Variants in PGM1 observed in about 807,000 individuals in gnomAD.
The protein encoded by PGM1 is phosphoglucomutase 1, also known as phosphoglucomutase-1.
A neutral mutation model predicts 55.6 loss-of-function variants in PGM1; 52 were observed. That is an observed-to-expected ratio of 0.94 (90% CI 0.75 to 1.18). The LOEUF is 1.18. Among genes scored for constraint, PGM1 ranks in the 50% most tolerant of loss-of-function variants. The probability of loss-of-function intolerance (pLI) is 0.00; values close to 1 mark genes in which losing one functional copy is unlikely to be tolerated. For missense variants in PGM1, 724 were observed against 729.3 expected (o/e 0.99, Z 0.08); for synonymous variants, 287 against 271.7 (o/e 1.06, Z -0.55).
chr1:63,634,031 C>T (rs1649294761), intron 4 of PGM1, among the ~76,000 whole-genome samples: 1 of 147,198 alleles, frequency 6.8e-6, no homozygotes, highest in Non-Finnish European at 1.5e-5. Context: ...ATCTGTCTGC[C>T]TCAGCCTCCC....
chr1:63,604,951 G>A (rs1648373682), intron 1 of PGM1, among the ~76,000 whole-genome samples: 1 of 140,988 alleles, frequency 7.1e-6, no homozygotes, highest in African/African-American at 3.0e-5. Flanking sequence ...GTGTGTGTGT[G>A]TGTGTGTGTA....
At chr1:63,610,424 T>A (rs541665330) in intron 1 of PGM1, among the ~76,000 whole-genome samples, 11 of 152,354 alleles carry the variant, frequency 7.2e-5, no homozygotes, top group African/African-American at 2.6e-4. Flanking sequence ...CTTAGTGGAA[T>A]ATCAAAATTA....
chr1:63,650,996 G>A (rs1041241578), intron 8 of PGM1, among the ~76,000 whole-genome samples: 6 of 151,962 alleles, frequency 3.9e-5, no homozygotes, highest in Admixed American at 1.3e-4. Context: ...TGATAGGTGC[G>A]GCAAATCACC....
intron 6 of PGM1, 79 bp downstream of exon 6, chr1:63,636,467 C>A: frequency 7.3e-7 from 1 of 1,375,894 alleles, no homozygotes; most frequent in Non-Finnish European, 1.0e-6. Context: ...GCCTGGAACA[C>A]GTGTCCTTCC....
intron 1 of PGM1, among the ~76,000 whole-genome samples, chr1:63,602,349 T>C (rs855320): frequency 2.6e-5 from 4 of 152,078 alleles, no homozygotes; most frequent in East Asian, 1.9e-4. Flanking sequence ...AAGAATCTTC[T>C]CAGATTTAAG....
At chr1:63,644,563 A>T (rs1649602230) in intron 7 of PGM1, among the ~76,000 whole-genome samples, 1 of 152,192 alleles carries the variant, frequency 6.6e-6, no homozygotes, top group African/African-American at 2.4e-5. Flanking sequence ...AGCATAATAA[A>T]GTCAGTGGAA....
chr1:63,604,015 C>A (rs1385850225), intron 1 of PGM1, among the ~76,000 whole-genome samples: 1 of 152,184 alleles, frequency 6.6e-6, no homozygotes, highest in Non-Finnish European at 1.5e-5. Flanking sequence ...TCATCTCAAT[C>A]ATGATTCATC....
chr1:63,636,150 A>G, intron 5 of PGM1, 84 bp from the exon 6 acceptor site: 1 of 1,333,928 alleles, frequency 7.5e-7, no homozygotes, highest in Non-Finnish European at 1.1e-6. Context: ...ATAGTTTTAC[A>G]TTTTATAAAA....
chr1:63,594,969 A>AAAAG (rs1053160478), intron 1 of PGM1, among the ~76,000 whole-genome samples: 14 of 148,732 alleles, frequency 9.4e-5, no homozygotes, highest in Admixed American at 4.0e-4. Context: ...TCAAAAAAAA[A>AAAAG]AAAAAAGAAA....
Position 63,615,258 on chromosome 1 carries a change from A to T in PGM1, c.247-14167A>T, listed in dbSNP as rs191672647. Among the ~76,000 whole-genome samples, 12 of 152,320 alleles carry T rather than the reference A, an allele frequency of 7.9e-5. No individual in the cohort carries two copies. In the East Asian group the frequency reaches 2.1e-3, roughly 27 times the overall value. ...ACCCTTTCTGTTTTTAGTAGTTTGGATAACATTTATTGAGTGTCTACTATA... is the reference window on the plus strand; with the variant it reads ...ACCCTTTCTGTTTTTAGTAGTTTGGTTAACATTTATTGAGTGTCTACTATA... On this transcript the variant is annotated intron_variant, in intron 1 of 10. Transcript: ENST00000371084.
At chr1:63,629,294 A>G (rs1649123651) in intron 1 of PGM1, 131 bp from the exon 2 acceptor site, 1 of 809,576 alleles carries the variant, frequency 1.2e-6, no homozygotes, top group African/African-American at 1.7e-5. Context: ...TTATTAAATA[A>G]AATCTTTTCT....
chr1:63,594,787 A>G (rs172610), intron 1 of PGM1, among the ~76,000 whole-genome samples: 1 of 60,814 alleles, frequency 1.6e-5, no homozygotes, highest in Non-Finnish European at 3.1e-5. Flanking sequence ...ACTAAAAAAT[A>G]CAAAAAAAAA....
intron 1 of PGM1, among the ~76,000 whole-genome samples, chr1:63,622,010 A>T (rs992662158): frequency 6.6e-6 from 1 of 152,130 alleles, no homozygotes; most frequent in African/African-American, 2.4e-5. Flanking sequence ...TGCTCAAGGG[A>T]TGATTCACTT....
chr1:63,629,588 G>T lies in PGM1; in HGVS notation c.409+1G>T. On this transcript the variant is annotated splice_donor_variant, in intron 2 of 10. Coordinates refer to ENST00000371084, the MANE Select transcript of PGM1 (RefSeq NM_002633.3). LOFTEE classifies it high-confidence loss of function. ...ATCAAATTCAATATTTCTAATGGAGGTGAGTTTGCTGTCATTTTGAGGACA... is the reference window on the plus strand; with the variant it reads ...ATCAAATTCAATATTTCTAATGGAGTTGAGTTTGCTGTCATTTTGAGGACA... 6.2e-7 allele frequency: 1 copy of T among 1,613,560 alleles called. No homozygotes were observed. The highest frequency in any genetic ancestry group is 8.5e-7 in the Non-Finnish European group (1 of 1,179,622).
intron 1 of PGM1, among the ~76,000 whole-genome samples, chr1:63,627,060 C>CA: frequency 1.6e-5 from 2 of 125,232 alleles, no homozygotes; most frequent in African/African-American, 6.1e-5. Context: ...AGGACCCCCC[C>CA]CCCCCCACAC....
chr1:63,659,721 C>A lies in PGM1; in HGVS notation c.*46C>A. 7.2e-7 allele frequency: 1 copy of A among 1,382,928 alleles called. No individual in the cohort carries two copies. The highest frequency in any genetic ancestry group is 1.0e-6 in the Non-Finnish European group (1 of 968,984). 85.7% of individuals were successfully genotyped at this position (1,382,928 alleles called of 1,614,324 possible). On this transcript the variant is annotated 3_prime_UTR_variant, in exon 11 of 11. Coordinates refer to ENST00000371084, the MANE Select transcript of PGM1 (RefSeq NM_002633.3). ...ACGTCCCTCCACCCCCGGACCCATC[C>A]AAGTCATCTGATTGAAGAGCATGAC...
intron 1 of PGM1, among the ~76,000 whole-genome samples, chr1:63,616,001 T>TC (rs1269211373): frequency 6.6e-6 from 1 of 152,076 alleles, no homozygotes. Context: ...TGCTTGTTTT[T>TC]CCATTTTCCA....
At chr1:63,603,788 A>C (rs760364135) in intron 1 of PGM1, among the ~76,000 whole-genome samples, 2 of 152,232 alleles carry the variant, frequency 1.3e-5, no homozygotes, top group Non-Finnish European at 2.9e-5. Context: ...CAAGATACCC[A>C]TACTTTGAGA....
intron 1 of PGM1, chr1:63,623,646 C>A: frequency 6.2e-7 from 1 of 1,612,520 alleles, no homozygotes; most frequent in Non-Finnish European, 8.5e-7. Flanking sequence ...AGAGTATATT[C>A]TTTTCCATAG....
Sources: gnomAD v4.1 joint callset for allele counts (sites outside exome capture counted in the v4.1 genomes callset) on GRCh38, gnomAD v4.1.1 for gene constraint, MANE v1.5 for transcripts, NCBI Gene and HGNC (gene_info 2026-07-23, HGNC 2026-07-21) for gene names.